VSIR: variants seen among roughly 807,000 people sequenced by gnomAD.
VSIR encodes V-type immunoglobulin domain-containing suppressor of T-cell activation.
VSIR carries 10 observed loss-of-function variants against 31.0 expected under a neutral mutation model. The observed-to-expected ratio is 0.32, with a 90% CI of 0.20 to 0.55. The LOEUF is 0.55. Ranked by LOEUF, VSIR falls within the 20% of genes least tolerant of loss-of-function variation. The pLI is 0.93. For synonymous variants in VSIR, 179 were observed against 180.1 expected (o/e 0.99, Z 0.05); for missense variants, 356 against 416.2 (o/e 0.86, Z 1.26).
At chr10:71,765,932 G>A (rs997569351) in intron 1 of VSIR, among the ~76,000 whole-genome samples, 5 of 152,126 alleles carry the variant, frequency 3.3e-5, no homozygotes, top group African/African-American at 1.2e-4. Context: ...GGGAGGGAAG[G>A]CCAGAAAACA....
In VSIR at chr10:71,748,770, A is replaced by G. The variant is rs755969435; in HGVS notation, c.*2483T>C. 1 of 152,626 alleles carries G rather than the reference A, an allele frequency of 6.6e-6. No individual in the cohort carries two copies. The highest frequency in any genetic ancestry group is 6.5e-5 in the Admixed American group (1 of 15,274). The allele number at this position is 152,626 out of a possible 1,614,324, so 9.5% of individuals were successfully genotyped here. A position where few individuals can be genotyped will look rare whatever the true frequency, so the allele number is the denominator to read the frequency against. ...CCAGCCCACAGCCACCAGGGCTGGCATCAGAGGCACTACCATCCCGGGCAA... is the reference window on the plus strand; with the variant it reads ...CCAGCCCACAGCCACCAGGGCTGGCGTCAGAGGCACTACCATCCCGGGCAA... On this transcript the variant is annotated 3_prime_UTR_variant, in exon 7 of 7. Transcript: ENST00000394957.
At chr10:71,753,147 A>G (rs1840048646) in intron 4 of VSIR, 145 bp from the exon 5 acceptor site, 1 of 862,752 alleles carries the variant, frequency 1.2e-6, no homozygotes, top group Non-Finnish European at 1.7e-6. Context: ...TTCTTTTCAC[A>G]TGGGTGCTGT....
rs775856574 is a variant in VSIR at position 71,751,884 on chromosome 10, G to A, written c.705-23C>T. The A allele has an allele frequency of 7.2e-6, 11 of 1,536,748 alleles. No homozygotes were observed. Among genetic ancestry groups the A allele is most frequent in the Non-Finnish European group, 9.7e-6 (11 of 1,139,502 alleles). ...TTGCTGCCACAGAACCAGAATGGAA[G>A]GTCATCTGTGCTGTCCGGAGCGTGA... On this transcript the variant is annotated intron_variant, in intron 5 of 6. Coordinates refer to ENST00000394957, the MANE Select transcript of VSIR (RefSeq NM_022153.2). This position sits in a 1 kb window ranked among gnomAD's most constrained non-coding sequence, Gnocchi z 4.9.
chr10:71,751,736 TGCC>T lies in VSIR; in HGVS notation c.827_829del (p.Arg276del). On this transcript the variant is annotated inframe_deletion, in exon 6 of 7. Transcript: ENST00000394957. The surrounding 1 kb of genome is among the most constrained non-coding windows in gnomAD (Gnocchi z 4.9). ...GGGGGTGCTGGGCTCCGAAAGCAGA[TGCC>T]GCCCAGACTCAGAAGGCTGCCGCTG... 2 of 1,594,362 alleles carry T rather than the reference TGCC, an allele frequency of 1.3e-6. No individual in the cohort carries two copies. The highest frequency in any genetic ancestry group is 1.7e-6 in the Non-Finnish European group (2 of 1,170,798).
Position 71,760,885 on chromosome 10 carries a change from G to C in VSIR, c.551C>G (p.Ser184Cys). Residue 184 changes from serine (S) to cysteine (C), a missense_variant, in exon 3 of 7, where the codon TCC becomes TGC. Physicochemically the swap from Ser to Cys is moderately radical, Grantham distance 112 (BLOSUM62 -1). Around this residue, in one of 2 missense-constraint regions of VSIR, gnomAD observed 190 missense variants for 185.2 expected, o/e 1.03. Coordinates refer to ENST00000394957, the MANE Select transcript of VSIR (RefSeq NM_022153.2). ...APSNCVVYPS[S>C]SQDSENITAA... ...TCCCTTACTTTCACTATCCTGGGAG[G>C]AGGATGGGTACACCACACAGTTGGA... The C allele has an allele frequency of 6.2e-7, 1 of 1,613,754 alleles. No individual in the cohort carries two copies. Among genetic ancestry groups the C allele is most frequent in the Non-Finnish European group, 8.5e-7 (1 of 1,179,676 alleles).
chr10:71,759,962 C>T (rs1840280741), intron 3 of VSIR, among the ~76,000 whole-genome samples: 1 of 116,490 alleles, frequency 8.6e-6, no homozygotes, highest in Non-Finnish European at 1.9e-5. Flanking sequence ...TATACACACA[C>T]ATATATATAC....
At chr10:71,764,274 G>A (rs1840473873) in intron 1 of VSIR, among the ~76,000 whole-genome samples, 2 of 152,252 alleles carry the variant, frequency 1.3e-5, no homozygotes, top group South Asian at 4.1e-4. Flanking sequence ...ATGCCATAAG[G>A]TATTGTTTTT....
chr10:71,759,744 G>A (rs1281924188), intron 3 of VSIR, among the ~76,000 whole-genome samples: 11 of 150,940 alleles, frequency 7.3e-5, no homozygotes, highest in Admixed American at 6.0e-4. Context: ...TCCGGGAGGC[G>A]GAGGTTGCAG....
Position 71,761,000 on chromosome 10 carries a change from C to T in VSIR, c.512-76G>A. ...CAGGGAGGCTTGTCCAGGCCAGTGT[C>T]CCCCTCCTGCCCCAGGTTCTCACGC... On this transcript the variant is annotated intron_variant, in intron 2 of 6. Coordinates refer to ENST00000394957, the MANE Select transcript of VSIR (RefSeq NM_022153.2). The T allele has an allele frequency of 8.4e-6, 12 of 1,428,880 alleles. No individual in the cohort carries two copies. In the South Asian group the frequency reaches 9.2e-5, roughly 11 times the overall value. The allele number at this position is 1,428,880 out of a possible 1,614,324, so 88.5% of individuals were successfully genotyped here. A position where few individuals can be genotyped will look rare whatever the true frequency, so the allele number is the denominator to read the frequency against.
intron 1 of VSIR, 143 bp from the exon 2 acceptor site, chr10:71,762,169 T>C: frequency 1.0e-6 from 1 of 1,003,084 alleles, no homozygotes; most frequent in Non-Finnish European, 1.4e-6. Context: ...GACTGCCTTC[T>C]GCATTTGTTC....
At chr10:71,769,462 A>C (rs1425593865) in intron 1 of VSIR, among the ~76,000 whole-genome samples, 1 of 152,232 alleles carries the variant, frequency 6.6e-6, no homozygotes, top group African/African-American at 2.4e-5. Flanking sequence ...CTACATACTC[A>C]AATAAAAGAA....
chr10:71,758,171 G>A (rs535893674), intron 3 of VSIR, among the ~76,000 whole-genome samples: 1 of 152,206 alleles, frequency 6.6e-6, no homozygotes, highest in South Asian at 2.1e-4. Context: ...CAAAATGCAT[G>A]TTCTAATTTT....
At chr10:71,761,529 T>G in intron 2 of VSIR, 69 bp downstream of exon 2, 1 of 1,460,136 alleles carries the variant, frequency 6.8e-7, no homozygotes, top group Non-Finnish European at 9.1e-7. Flanking sequence ...CACAGTGTCA[T>G]GAATGGTCAC....
chr10:71,773,388 G>C lies in VSIR; in HGVS notation c.52C>G (p.Leu18Val). 6.2e-7 allele frequency: 1 copy of C among 1,610,398 alleles called. No individual in the cohort carries two copies. The highest frequency in any genetic ancestry group is 8.5e-7 in the Non-Finnish European group (1 of 1,178,688). Residue 18 changes from leucine to valine, a missense_variant, in exon 1 of 7, where the codon CTC (leucine) becomes GTC (valine). Transcript: ENST00000394957. ...GACGCAGCCAGGAAGAGAGCGAAGA[G>C]CAGGGATCCCCAGCGCCAGCTGCCG... ...EAGSWRWGSLLFALFLAASLG... is the reference protein window; with the variant it reads ...EAGSWRWGSLVFALFLAASLG...
At position 71,752,976 on chromosome 10, in the gene VSIR, T is replaced by G; in HGVS notation, c.703A>C (p.Ser235Arg). Residue 235 changes from serine (S) to arginine (R), a missense_variant and splice_region_variant, in exon 5 of 7, where the codon AGC (serine) becomes CGC (arginine). Transcript: ENST00000394957. ...RRAQELVRMD[S>R]NIQGIENPGF... ...CAAGAAGGTCTCCATGGGCCTTACC[T>G]GTCCATCCGCACCAGCTCCTGGGCA... is the stretch of plus-strand genomic sequence containing the variant. The G allele has an allele frequency of 6.2e-7, 1 of 1,612,946 alleles. No individual in the cohort carries two copies. The highest frequency in any genetic ancestry group is 1.1e-5 in the South Asian group (1 of 90,786).
Position 71,751,318 on chromosome 10 carries a change from C to G in VSIR, c.899-28G>C. ...GCAAGAAAAGGAGAAGCAAAGTGAA[C>G]GGGGCCCCTCTGCCCCTCACCCTCA... On this transcript the variant is annotated intron_variant, in intron 6 of 6. Transcript: ENST00000394957. This position sits in a 1 kb window ranked among gnomAD's most constrained non-coding sequence, Gnocchi z 4.9. 2 of 1,604,282 alleles carry G rather than the reference C, an allele frequency of 1.2e-6. No individual in the cohort carries two copies. The highest frequency in any genetic ancestry group is 1.1e-5 in the South Asian group (1 of 89,684).
chr10:71,755,025 G>GT (rs1331029599), intron 4 of VSIR: 2 of 497,878 alleles, frequency 4.0e-6, no homozygotes, highest in African/African-American at 3.9e-5. Context: ...CCTTAAACAG[G>GT]TCCCCCAAGG....
At position 71,759,805 on chromosome 10, in the gene VSIR, G is replaced by A. The variant is rs1214616554; in HGVS notation, c.568+1063C>T. Reference sequence around the variant, plus strand: ...CCAGCCTGGGTAACAGAGTGAAACCGTGTTTCAGAAAATATACACACACAC... The same window carrying A: ...CCAGCCTGGGTAACAGAGTGAAACCATGTTTCAGAAAATATACACACACAC... On this transcript the variant is annotated intron_variant, in intron 3 of 6. Transcript: ENST00000394957. Among the ~76,000 whole-genome samples, 5 of 118,528 alleles carry A rather than the reference G, an allele frequency of 4.2e-5. No homozygotes were observed. In the Admixed American group the frequency reaches 4.3e-4, roughly 10 times the overall value. 77.8% of individuals were successfully genotyped at this position (118,528 alleles called of 152,430 possible). A position where few individuals can be genotyped will look rare whatever the true frequency, so the allele number is the denominator to read the frequency against.
At chr10:71,770,708 G>A (rs1023191708) in intron 1 of VSIR, among the ~76,000 whole-genome samples, 3 of 152,162 alleles carry the variant, frequency 2.0e-5, no homozygotes, top group African/African-American at 4.8e-5. Flanking sequence ...CACTGTGTGC[G>A]GATAGGGAGG....
Sources: gnomAD v4.1 joint callset for allele counts (sites outside exome capture counted in the v4.1 genomes callset) on GRCh38, gnomAD v4.1.1 for gene constraint, gnomAD v4.1.1 regional missense constraint, Gnocchi (gnomAD v3.1) non-coding constraint, MANE v1.5 for transcripts, NCBI Gene and HGNC (gene_info 2026-07-23, HGNC 2026-07-21) for gene names.